RGS7: variants seen among roughly 807,000 people sequenced by gnomAD.
RGS7 encodes the protein regulator of G protein signaling 7, also known as regulator of G-protein signaling 7.
RGS7 carries 27 observed loss-of-function variants against 81.1 expected under a neutral mutation model. That is an observed-to-expected ratio of 0.33 (90% CI 0.25 to 0.46). The LOEUF (loss-of-function observed/expected upper bound fraction) is 0.46, where lower values mean the gene tolerates loss of function less well. Ranked by LOEUF, RGS7 falls within the 20% of genes least tolerant of loss-of-function variation. The probability of loss-of-function intolerance (pLI) is 1.00; values close to 1 mark genes in which losing one functional copy is unlikely to be tolerated. For synonymous variants in RGS7, 208 were observed against 207.7 expected, an observed-to-expected ratio of 1.00 and a Z score of -0.01; for missense variants, 396 against 607.4, an observed-to-expected ratio of 0.65 and a Z score of 3.66.
chr1:241,263,441 G>T (rs544811210), intron 2 of RGS7, among the ~76,000 whole-genome samples: 1 of 152,256 alleles, frequency 6.6e-6, no homozygotes, highest in South Asian at 2.1e-4. Context: ...GCTCCAAAGG[G>T]TACAACTATA....
intron 3 of RGS7, among the ~76,000 whole-genome samples, chr1:240,983,694 G>A (rs536611490): frequency 6.6e-5 from 10 of 152,144 alleles, no homozygotes; most frequent in East Asian, 3.9e-4. Flanking sequence ...CCTTCCCCTC[G>A]TCCACTGAGT....
chr1:240,840,658 A>G (rs1053644266), intron 9 of RGS7, among the ~76,000 whole-genome samples: 1 of 152,172 alleles, frequency 6.6e-6, no homozygotes, highest in African/African-American at 2.4e-5. Flanking sequence ...CCTCTCGATC[A>G]CATCACCTTG....
chr1:240,849,613 A>G (rs716742), intron 9 of RGS7, among the ~76,000 whole-genome samples: 122,340 of 152,092 alleles, frequency 0.8, 49,629 homozygotes, highest in African/African-American at 0.9. Flanking sequence ...ATGGCTTAGC[A>G]CCCTCCCCTT....
At chr1:241,160,897 C>T (rs1396922286) in intron 2 of RGS7, among the ~76,000 whole-genome samples, 1 of 152,122 alleles carries the variant, frequency 6.6e-6, no homozygotes, top group South Asian at 2.1e-4. Flanking sequence ...GGACTCCTGT[C>T]GCTTGCTGCA....
intron 2 of RGS7, among the ~76,000 whole-genome samples, chr1:241,193,473 T>C (rs536460387): frequency 6.6e-6 from 1 of 152,242 alleles, no homozygotes; most frequent in Non-Finnish European, 1.5e-5. Context: ...TTCCAACTAC[T>C]GTGTCTCATC....
intron 3 of RGS7, among the ~76,000 whole-genome samples, chr1:241,094,067 G>A (rs1417650902): frequency 6.6e-6 from 1 of 152,134 alleles, no homozygotes; most frequent in South Asian, 2.1e-4. Flanking sequence ...GAGGACTGGG[G>A]CAAGAGCTGC....
intron 6 of RGS7, among the ~76,000 whole-genome samples, chr1:240,914,270 TA>T (rs1672240095): frequency 6.6e-6 from 1 of 152,182 alleles, no homozygotes; most frequent in African/African-American, 2.4e-5. Flanking sequence ...GTATAAAGTT[TA>T]AAAACATGCA....
intron 6 of RGS7, among the ~76,000 whole-genome samples, chr1:240,898,133 C>T (rs2148182221): frequency 6.6e-6 from 1 of 152,218 alleles, no homozygotes; most frequent in South Asian, 2.1e-4. Context: ...GTGATATACC[C>T]TTTATCATTT....
chr1:240,883,901 C>T (rs1666865407), intron 6 of RGS7, among the ~76,000 whole-genome samples: 1 of 151,928 alleles, frequency 6.6e-6, no homozygotes, highest in African/African-American at 2.4e-5. Context: ...CATGGTGAAA[C>T]CCCGTCTCTA....
chr1:240,803,991 C>A (rs912583820), intron 15 of RGS7, among the ~76,000 whole-genome samples: 2 of 151,944 alleles, frequency 1.3e-5, no homozygotes, highest in Admixed American at 6.6e-5. Context: ...AAGACTTAGC[C>A]CAATGGTGAT....
intron 2 of RGS7, among the ~76,000 whole-genome samples, chr1:241,166,746 GC>G: frequency 6.6e-6 from 1 of 152,280 alleles, no homozygotes; most frequent in Middle Eastern, 3.4e-3. Flanking sequence ...ACTATGCAGT[GC>G]CAAAAGCAGC....
At chr1:241,279,120 A>G (rs1270187364) in intron 2 of RGS7, among the ~76,000 whole-genome samples, 1 of 151,132 alleles carries the variant, frequency 6.6e-6, no homozygotes, top group African/African-American at 2.4e-5. Flanking sequence ...TCTTCATAAC[A>G]TATATAATAT....
chr1:240,847,690 G>A (rs1487530079), intron 9 of RGS7, among the ~76,000 whole-genome samples: 1 of 152,078 alleles, frequency 6.6e-6, no homozygotes, highest in Non-Finnish European at 1.5e-5. Flanking sequence ...GAGACTTTTC[G>A]AAATCATGGA....
intron 3 of RGS7, among the ~76,000 whole-genome samples, chr1:241,003,460 CA>C (rs554768415): frequency 0.33 from 27,754 of 83,402 alleles, 1,935 homozygotes; most frequent in East Asian, 0.45. Context: ...GACTCCGTCT[CA>C]AAAAAAAAAA....
rs931844032 is a variant in RGS7, at chr1:240,868,498, T to C, written c.609+89A>G. 2.3e-5 allele frequency: 25 copies of C among 1,106,302 alleles called. No homozygotes were observed. The highest frequency in any genetic ancestry group is 6.7e-5 in the Admixed American group (4 of 59,280). 68.5% of individuals were successfully genotyped at this position (1,106,302 alleles called of 1,614,324 possible). ...TACCATGGAGCGTGCATGGGGTCAC[T>C]ACAGTCTTTCACTTACTTTGGCAGG... On this transcript the variant is annotated intron_variant, in intron 9 of 18. Transcript: ENST00000440928. This position sits in a 1 kb window ranked among gnomAD's most constrained non-coding sequence, Gnocchi z 5.1.
chr1:241,055,258 C>G (rs1275124371), intron 3 of RGS7, among the ~76,000 whole-genome samples: 1 of 152,242 alleles, frequency 6.6e-6, no homozygotes, highest in East Asian at 1.9e-4. Flanking sequence ...ACGGCTCAGC[C>G]CACAAGACTG....
At chr1:241,041,477 T>C (rs185828076) in intron 3 of RGS7, among the ~76,000 whole-genome samples, 4 of 152,200 alleles carry the variant, frequency 2.6e-5, no homozygotes, top group Admixed American at 6.5e-5. Flanking sequence ...GTATTTTACA[T>C]AGGAATGATC....
In RGS7 at chr1:240,884,708, G is replaced by A. The variant is rs61834064; in HGVS notation, c.386-14589C>T. 1.6e-3 allele frequency among the ~76,000 whole-genome samples: 248 copies of A among 152,330 alleles called. 1 individual carries two copies. Among genetic ancestry groups the A allele is most frequent in the Middle Eastern group, 0.01 (3 of 294 alleles). ...CGGGATAACTGGCTAGCCATATGCA[G>A]AAGATTGAAGCTAGATCCCTTCTTT... On this transcript the variant is annotated intron_variant, in intron 6 of 18. Transcript: ENST00000440928.
chr1:240,908,403 T>G (rs1671199806), intron 6 of RGS7, among the ~76,000 whole-genome samples: 1 of 152,184 alleles, frequency 6.6e-6, no homozygotes, highest in African/African-American at 2.4e-5. Context: ...ATGCACTTCC[T>G]GAAGTTACTA....
Sources: allele counts gnomAD v4.1 joint callset (sites outside exome capture counted in the v4.1 genomes callset), GRCh38; gene constraint gnomAD v4.1.1; non-coding constraint Gnocchi (gnomAD v3.1); transcripts MANE v1.5; gene names NCBI Gene and HGNC (gene_info 2026-07-23, HGNC 2026-07-21).